Variants in SAMD12 observed in about 807,000 individuals in gnomAD.
SAMD12 encodes the protein sterile alpha motif domain containing 12.
A neutral mutation model predicts 15.0 loss-of-function variants in SAMD12; 9 were observed. That is an observed-to-expected ratio of 0.60 (90% confidence interval 0.36 to 1.05). The LOEUF (loss-of-function observed/expected upper bound fraction) is 1.05, where lower values mean the gene tolerates loss of function less well. SAMD12 is among the 50% of genes least tolerant of loss of function. The probability of loss-of-function intolerance (pLI) is 0.01; values close to 1 mark genes in which losing one functional copy is unlikely to be tolerated. For synonymous variants in SAMD12, 86 were observed against 90.1 expected (o/e 0.96, Z 0.25); for missense variants, 230 against 234.2 (o/e 0.98, Z 0.12).
intron 2 of SAMD12, among the ~76,000 whole-genome samples, chr8:118,503,844 C>T (rs151214281): frequency 1.2e-4 from 18 of 152,280 alleles, no homozygotes; most frequent in Admixed American, 2.0e-4. Flanking sequence ...CATCACAAAA[C>T]GGTTGCAGAG....
chr8:118,610,323 A>C (rs1007320318), intron 1 of SAMD12, among the ~76,000 whole-genome samples: 5 of 152,236 alleles, frequency 3.3e-5, no homozygotes, highest in Admixed American at 6.5e-5. Context: ...GTTTTTCTTA[A>C]GTAACCAAGG....
rs113030715 is a variant in SAMD12 at position 118,604,589 on chromosome 8, T to C, written c.13+17215A>G. ...ATGAAACCCCAAAAGAAAACGATGG[T>C]TGGAAAACCTTGTTAAAATAATATA... On this transcript the variant is annotated intron_variant, in intron 1 of 3. Coordinates refer to ENST00000314727, the MANE Select transcript of SAMD12 (RefSeq NM_207506.3). Among the ~76,000 whole-genome samples the C allele has an allele frequency of 5.8e-3, 884 of 152,222 alleles. 7 individuals carry two copies. The highest frequency in any genetic ancestry group is 0.02 in the African/African-American group (823 of 41,536).
intron 4 of SAMD12, among the ~76,000 whole-genome samples, chr8:118,201,098 G>A (rs1054519588): frequency 2.6e-5 from 4 of 152,024 alleles, no homozygotes; most frequent in African/African-American, 7.3e-5. Context: ...TCATGTCTTC[G>A]GGTATATAAA....
intron 2 of SAMD12, among the ~76,000 whole-genome samples, chr8:118,575,649 C>T (rs1827128965): frequency 6.6e-6 from 1 of 152,012 alleles, no homozygotes; most frequent in Non-Finnish European, 1.5e-5. Flanking sequence ...GGGAGGCATG[C>T]AAATATAAGG....
intron 1 of SAMD12, among the ~76,000 whole-genome samples, chr8:118,581,293 G>A (rs1033772400): frequency 2.6e-5 from 4 of 151,992 alleles, no homozygotes; most frequent in Admixed American, 2.0e-4. Flanking sequence ...TCTTCTTCTG[G>A]ACCTTCTTTA....
downstream of SAMD12, among the ~76,000 whole-genome samples, chr8:118,377,676 A>G (rs1299048651): frequency 3.9e-5 from 6 of 152,182 alleles, no homozygotes; most frequent in East Asian, 1.2e-3. Flanking sequence ...TATATTATGC[A>G]TCTAGGGCAA....
At chr8:118,500,144 T>A (rs1421199329) in intron 2 of SAMD12, among the ~76,000 whole-genome samples, 1 of 133,816 alleles carries the variant, frequency 7.5e-6, no homozygotes, top group African/African-American at 2.8e-5. Flanking sequence ...AATGGCGCGA[T>A]CTTGGCTCAC....
chr8:118,175,883 T>C, the SAMD12 span, among the ~76,000 whole-genome samples: 1 of 152,242 alleles, frequency 6.6e-6, no homozygotes, highest in Non-Finnish European at 1.5e-5. Context: ...GTATACACTG[T>C]TGATGGGAAT....
chr8:118,161,029 T>C, the SAMD12 span, among the ~76,000 whole-genome samples: 1 of 151,964 alleles, frequency 6.6e-6, no homozygotes, highest in African/African-American at 2.4e-5. Flanking sequence ...CACCTATGAG[T>C]GAGAACATGC....
chr8:118,609,569 G>A (rs114661738), intron 1 of SAMD12, among the ~76,000 whole-genome samples: 4 of 152,204 alleles, frequency 2.6e-5, no homozygotes, highest in South Asian at 2.1e-4. Flanking sequence ...AGTTGGAAGC[G>A]ATTATGTATC....
At chr8:118,331,917 G>A (rs1586543953) in intron 4 of SAMD12, among the ~76,000 whole-genome samples, 1 of 152,094 alleles carries the variant, frequency 6.6e-6, no homozygotes, top group Non-Finnish European at 1.5e-5. Flanking sequence ...ATTCATAATT[G>A]GGGAAACCTG....
chr8:118,552,478 C>A (rs1057262961), intron 2 of SAMD12, among the ~76,000 whole-genome samples: 1 of 150,362 alleles, frequency 6.7e-6, no homozygotes, highest in South Asian at 2.1e-4. Flanking sequence ...AATTCAACAA[C>A]CCTTCATGCT....
chr8:118,428,093 T>C (rs560125323), intron 3 of SAMD12, among the ~76,000 whole-genome samples: 29 of 152,376 alleles, frequency 1.9e-4, no homozygotes, highest in African/African-American at 6.3e-4. Flanking sequence ...ACGTATCATT[T>C]CAAATCTTTT....
chr8:118,392,575 G>T (rs1326426067), intron 3 of SAMD12, among the ~76,000 whole-genome samples: 2 of 152,258 alleles, frequency 1.3e-5, no homozygotes, highest in East Asian at 3.8e-4. Flanking sequence ...GCACCCGAAA[G>T]GGTGGGATCC....
chr8:118,559,357 T>C (rs1826643266), intron 2 of SAMD12, among the ~76,000 whole-genome samples: 1 of 152,244 alleles, frequency 6.6e-6, no homozygotes, highest in African/African-American at 2.4e-5. Context: ...CAGTTCCAAC[T>C]GTCCCACCTC....
At chr8:118,367,467 A>G (rs1292280445) in intron 4 of SAMD12, among the ~76,000 whole-genome samples, 9 of 152,230 alleles carry the variant, frequency 5.9e-5, no homozygotes, top group African/African-American at 1.7e-4. Flanking sequence ...ATCTTTCTTC[A>G]ATGTAACATT....
Position 118,341,306 on chromosome 8 carries a change from G to C in SAMD12, c.433+38254C>G, listed in dbSNP as rs554648602. On this transcript the variant is annotated intron_variant, in intron 4 of 4. Transcript: ENST00000409003. The stretch of plus-strand genomic sequence containing the variant: ...TATGCCTAGCTTAGCCTCACCTCTC[G>C]TATTTCACTGATAAGAGCAGTCACT... Among the ~76,000 whole-genome samples, 3 of 152,102 alleles carry C rather than the reference G, an allele frequency of 2.0e-5. No homozygotes were observed. The East Asian group carries it at 5.8e-4, about 29-fold the overall frequency.
intron 4 of SAMD12, chr8:118,284,859 G>C: frequency 6.6e-6 from 1 of 151,288 alleles, no homozygotes; most frequent in Non-Finnish European, 1.5e-5. Flanking sequence ...GGAGAATGGT[G>C]TGTACCCAGG....
At chr8:118,377,022 T>G (rs1819423155), downstream of SAMD12, among the ~76,000 whole-genome samples, 2 of 152,154 alleles carry the variant, frequency 1.3e-5, no homozygotes, top group African/African-American at 4.8e-5. Context: ...TTATCAATTT[T>G]GTTTCCTTTT....
Sources: gnomAD v4.1 joint callset for allele counts (sites outside exome capture counted in the v4.1 genomes callset) on GRCh38, gnomAD v4.1.1 for gene constraint, MANE v1.5 for transcripts, NCBI Gene and HGNC (gene_info 2026-07-23, HGNC 2026-07-21) for gene names.